BMPR2: variants seen among roughly 807,000 people sequenced by gnomAD.
The protein encoded by BMPR2 is bone morphogenetic protein receptor type 2, also known as bone morphogenetic protein receptor type-2.
In BMPR2, 29 loss-of-function variants were observed where a neutral mutation model predicts 100.8. The ratio of observed to expected loss-of-function variants is 0.29; its 90% CI spans 0.21 to 0.39. BMPR2 has a LOEUF of 0.39. Ranked by LOEUF, BMPR2 falls within the 10% of genes least tolerant of loss-of-function variation. The pLI, the probability that BMPR2 is intolerant of heterozygous loss-of-function variation, is 1.00. For missense variants in BMPR2, 1,011 were observed against 1,274.5 expected (o/e 0.79, Z 3.15); for synonymous variants, 382 against 442.3 (o/e 0.86, Z 1.71).
intron 9 of BMPR2, among the ~76,000 whole-genome samples, chr2:202,540,915 C>T (rs1368698051): frequency 6.6e-6 from 1 of 152,072 alleles, no homozygotes; most frequent in Non-Finnish European, 1.5e-5. Context: ...GGAACAGTCT[C>T]TGTGTTCTTT....
intron 1 of BMPR2, among the ~76,000 whole-genome samples, chr2:202,422,411 A>G (rs1574440102): frequency 6.6e-6 from 1 of 150,868 alleles, no homozygotes. Context: ...GGTTCCCACC[A>G]TTCTCCTGCC....
At chr2:202,531,968 C>A (rs1688039361) in intron 8 of BMPR2, among the ~76,000 whole-genome samples, 1 of 91,108 alleles carries the variant, frequency 1.1e-5, no homozygotes, top group Non-Finnish European at 2.0e-5. Flanking sequence ...GAGACGGAGT[C>A]TCTCTCTGTC....
intron 3 of BMPR2, among the ~76,000 whole-genome samples, chr2:202,510,547 A>G (rs1030208502): frequency 3.3e-5 from 5 of 152,244 alleles, no homozygotes; most frequent in African/African-American, 1.2e-4. Context: ...CTATAGGCAC[A>G]TAAAATATCC....
chr2:202,434,892 A>T (rs1691576051), intron 1 of BMPR2, among the ~76,000 whole-genome samples: 1 of 62,226 alleles, frequency 1.6e-5, no homozygotes, highest in Admixed American at 2.5e-4. Context: ...AAAAAAAAAA[A>T]AAAAAAAAAA....
chr2:202,547,596 A>G (rs1296000433), intron 10 of BMPR2, among the ~76,000 whole-genome samples: 2 of 151,840 alleles, frequency 1.3e-5, no homozygotes, highest in Non-Finnish European at 2.9e-5. Flanking sequence ...CAGCCTGGCC[A>G]ACATGGTGAA....
intron 10 of BMPR2, among the ~76,000 whole-genome samples, chr2:202,551,922 G>C (rs1424900508): frequency 6.7e-6 from 1 of 150,072 alleles, no homozygotes; most frequent in Admixed American, 6.7e-5. Flanking sequence ...GGAGTGCAGT[G>C]GCATGATCTC....
At chr2:202,403,848 A>G (rs1413825304) in intron 1 of BMPR2, among the ~76,000 whole-genome samples, 1 of 152,060 alleles carries the variant, frequency 6.6e-6, no homozygotes, top group South Asian at 2.1e-4. Flanking sequence ...TCTACTAAAA[A>G]TACAAAAGTA....
At chr2:202,379,246 A>G (rs909155136) in intron 1 of BMPR2, among the ~76,000 whole-genome samples, 1 of 152,216 alleles carries the variant, frequency 6.6e-6, no homozygotes, top group Non-Finnish European at 1.5e-5. Context: ...AGCTATTCAA[A>G]TAACTTTACA....
rs73050798 is a variant in BMPR2 at position 202,379,700 on chromosome 2, A to G, written c.76+2150A>G. 5.9e-3 allele frequency among the ~76,000 whole-genome samples: 898 copies of G among 152,300 alleles called. 13 individuals are homozygous for G. Among genetic ancestry groups the G allele is most frequent in the African/African-American group, 0.02 (843 of 41,560 alleles). ...AGTGATGTTAACTCGACAGGCGCAA[A>G]TGGTGCAGCTGAACAGGAAAATAAA... On this transcript the variant is annotated intron_variant, in intron 1 of 12. Coordinates refer to ENST00000374580, the MANE Select transcript of BMPR2 (RefSeq NM_001204.7).
intron 1 of BMPR2, among the ~76,000 whole-genome samples, chr2:202,443,541 T>C (rs1158002054): frequency 6.7e-6 from 1 of 149,760 alleles, no homozygotes; most frequent in Non-Finnish European, 1.5e-5. Flanking sequence ...TCTCTCTCTT[T>C]CTGTCTCTCT....
intron 1 of BMPR2, among the ~76,000 whole-genome samples, chr2:202,398,354 C>G (rs1200640143): frequency 6.6e-6 from 1 of 152,046 alleles, no homozygotes; most frequent in Admixed American, 6.6e-5. Context: ...TCTCATTCAG[C>G]TCTTTTCTAA....
chr2:202,464,099 C>T (rs568755746), intron 1 of BMPR2, among the ~76,000 whole-genome samples: 15 of 130,960 alleles, frequency 1.1e-4, no homozygotes, highest in African/African-American at 3.5e-4. Context: ...GCAGAGGTTG[C>T]GGTGAGGCGA....
intron 1 of BMPR2, among the ~76,000 whole-genome samples, chr2:202,383,282 C>G (rs1479182873): frequency 6.6e-6 from 1 of 152,114 alleles, no homozygotes; most frequent in Non-Finnish European, 1.5e-5. Flanking sequence ...AGCTGTGGCT[C>G]ACACCTATAA....
At chr2:202,417,422 C>T (rs1348191177) in intron 1 of BMPR2, among the ~76,000 whole-genome samples, 1 of 152,222 alleles carries the variant, frequency 6.6e-6, no homozygotes, top group Non-Finnish European at 1.5e-5. Context: ...CCTGCCTCAG[C>T]CTCCTGAGTA....
At chr2:202,440,510 A>G (rs1691716323) in intron 1 of BMPR2, among the ~76,000 whole-genome samples, 1 of 148,912 alleles carries the variant, frequency 6.7e-6, no homozygotes, top group Non-Finnish European at 1.5e-5. Flanking sequence ...GGGGCTCCTC[A>G]CATCCCAGAT....
chr2:202,510,384 C>T (rs1484507973), intron 3 of BMPR2, among the ~76,000 whole-genome samples: 1 of 152,028 alleles, frequency 6.6e-6, no homozygotes, highest in Non-Finnish European at 1.5e-5. Context: ...ACATCTGTGA[C>T]ATGGATAATA....
intron 3 of BMPR2, among the ~76,000 whole-genome samples, chr2:202,470,589 G>A (rs931810405): frequency 8.0e-5 from 12 of 150,548 alleles, no homozygotes; most frequent in South Asian, 2.1e-4. Context: ...GTGAAACCCC[G>A]TCTCTACTAA....
Position 202,530,896 on chromosome 2 carries a change from G to A in BMPR2, c.1070G>A (p.Arg357Lys), listed in dbSNP as rs1574493769. The A allele has an allele frequency of 4.3e-6, 7 of 1,614,146 alleles. No homozygotes were observed. Among genetic ancestry groups the A allele is most frequent in the Admixed American group, 1.7e-5 (1 of 60,018 alleles). ...ATTAGTGACTTTGGACTGTCCATGA[G>A]GCTGACTGGAAATAGACTGGTGCGC... is the stretch of plus-strand genomic sequence containing the variant. ...CVISDFGLSM[R>K]LTGNRLVRPG... is the part of the protein sequence containing the mutation. Residue 357 changes from arginine to lysine, a missense_variant, in exon 8 of 13, where the codon AGG becomes AAG. Arg to Lys is a conservative substitution (Grantham distance 26). This residue lies in a region of BMPR2 where 355 missense variants were observed against 455.3 expected (regional missense o/e 0.78). Transcript: ENST00000374580.
At chr2:202,513,927 C>T in intron 4 of BMPR2, 98 bp downstream of exon 4, 1 of 930,774 alleles carries the variant, frequency 1.1e-6, no homozygotes. Context: ...AAAATAGTCT[C>T]AAAGTTATGC....
Sources: allele counts gnomAD v4.1 joint callset (sites outside exome capture counted in the v4.1 genomes callset), GRCh38; gene constraint gnomAD v4.1.1; regional missense constraint gnomAD v4.1.1; transcripts MANE v1.5; gene names NCBI Gene and HGNC (gene_info 2026-07-23, HGNC 2026-07-21).